TRPS1: variants seen among roughly 807,000 people sequenced by gnomAD.
TRPS1 encodes zinc finger transcription factor Trps1.
TRPS1 carries 6 observed loss-of-function variants against 101.2 expected under a neutral mutation model. The observed-to-expected ratio is 0.06, with a 90% confidence interval of 0.03 to 0.12. The LOEUF (loss-of-function observed/expected upper bound fraction) is 0.12, where lower values mean the gene tolerates loss of function less well. Among genes scored for constraint, TRPS1 ranks in the 10% least tolerant of loss-of-function variants. The pLI is 1.00. For synonymous variants in TRPS1, 578 were observed against 589.8 expected (o/e 0.98, Z 0.29); for missense variants, 1,363 against 1,567.0 (o/e 0.87, Z 2.20).
At chr8:115,607,808 A>G (rs1563640688) in intron 3 of TRPS1, among the ~76,000 whole-genome samples, 1 of 152,108 alleles carries the variant, frequency 6.6e-6, no homozygotes, top group Non-Finnish European at 1.5e-5. Flanking sequence ...TATACTTTCT[A>G]TACTGGTAGA....
At chr8:115,534,112 T>C (rs933958111) in intron 5 of TRPS1, among the ~76,000 whole-genome samples, 3 of 150,434 alleles carry the variant, frequency 2.0e-5, no homozygotes, top group East Asian at 2.0e-4. Flanking sequence ...CTAACCCTGA[T>C]ACCATCACAC....
intron 5 of TRPS1, among the ~76,000 whole-genome samples, chr8:115,458,221 T>C (rs980661597): frequency 2.0e-5 from 3 of 152,112 alleles, no homozygotes; most frequent in African/African-American, 7.2e-5. Context: ...TGTTCTTAGA[T>C]TGTTTATGGT....
rs1812748947 is a variant in TRPS1 at position 115,409,912 on chromosome 8, TTTTTTTC to T, written c.*4104_*4110del. The T allele has an allele frequency of 1.1e-5, 1 of 94,816 alleles. No homozygotes were observed. The highest frequency in any genetic ancestry group is 2.0e-5 in the Non-Finnish European group (1 of 50,658). 5.9% of individuals were successfully genotyped at this position (94,816 alleles called of 1,614,324 possible). Reference sequence around the variant, plus strand: ...CTGGCTCACCAAAGACGACTTGATCTTTTTTTCTTTTTTTTTTTTTGCCATGGCTCTC... The same window carrying T: ...CTGGCTCACCAAAGACGACTTGATCTTTTTTTTTTTTTTGCCATGGCTCTC... On this transcript the variant is annotated 3_prime_UTR_variant, in exon 7 of 7. Transcript: ENST00000395715.
intron 4 of TRPS1, among the ~76,000 whole-genome samples, chr8:115,599,341 A>C (rs964003948): frequency 6.6e-6 from 1 of 151,668 alleles, no homozygotes; most frequent in Non-Finnish European, 1.5e-5. Flanking sequence ...TTTTAATTTT[A>C]CTTTAAGTTT....
intron 5 of TRPS1, among the ~76,000 whole-genome samples, chr8:115,586,457 T>G (rs1563623321): frequency 6.6e-6 from 1 of 152,160 alleles, no homozygotes; most frequent in Non-Finnish European, 1.5e-5. Context: ...TTTTCTCATT[T>G]TTCCCCCTCT....
chr8:115,473,949 G>A (rs866116427), intron 5 of TRPS1, among the ~76,000 whole-genome samples: 2 of 152,102 alleles, frequency 1.3e-5, no homozygotes, highest in Non-Finnish European at 2.9e-5. Context: ...TTCAGTTTTC[G>A]GCACTAGAAT....
intron 5 of TRPS1, among the ~76,000 whole-genome samples, chr8:115,472,650 C>T (rs1432426398): frequency 6.6e-6 from 1 of 152,174 alleles, no homozygotes; most frequent in Non-Finnish European, 1.5e-5. Context: ...AACTTTTATG[C>T]TCTCTTCCCT....
chr8:115,657,887 C>T (rs1811710412), intron 1 of TRPS1, among the ~76,000 whole-genome samples: 1 of 151,942 alleles, frequency 6.6e-6, no homozygotes, highest in African/African-American at 2.4e-5. Context: ...TCTTCTTAGA[C>T]ACTGTCCCCA....
At chr8:115,451,264 T>A (rs1162242762) in intron 5 of TRPS1, among the ~76,000 whole-genome samples, 2 of 152,194 alleles carry the variant, frequency 1.3e-5, no homozygotes, top group Non-Finnish European at 2.9e-5. Context: ...TGTGGCTATA[T>A]ACACACAAAT....
chr8:115,420,104 T>C (rs763237649), intron 5 of TRPS1, among the ~76,000 whole-genome samples: 3 of 152,186 alleles, frequency 2.0e-5, no homozygotes, highest in Non-Finnish European at 4.4e-5. Flanking sequence ...TTAGGTGATG[T>C]AATAAAAACT....
chr8:115,559,636 A>G (rs763196733), intron 5 of TRPS1, among the ~76,000 whole-genome samples: 9 of 152,170 alleles, frequency 5.9e-5, no homozygotes, highest in Non-Finnish European at 1.2e-4. Context: ...GAATGAATCT[A>G]GCTTCATCAC....
intron 5 of TRPS1, among the ~76,000 whole-genome samples, chr8:115,570,153 C>A (rs978988662): frequency 6.6e-6 from 1 of 151,912 alleles, no homozygotes; most frequent in East Asian, 1.9e-4. Flanking sequence ...TCCATTAAAG[C>A]TCAAATCCTT....
chr8:115,528,956 GTACACAATGGT>G (rs1293682513), intron 5 of TRPS1, among the ~76,000 whole-genome samples: 1 of 151,790 alleles, frequency 6.6e-6, no homozygotes, highest in African/African-American at 2.4e-5. Context: ...GACAAACAAG[GTACACAATGGT>G]TACCGTTAAG....
chr8:115,532,173 C>A (rs1816149474), intron 5 of TRPS1, among the ~76,000 whole-genome samples: 1 of 151,728 alleles, frequency 6.6e-6, no homozygotes, highest in Non-Finnish European at 1.5e-5. Context: ...TTCAAAATAT[C>A]TATAATTGGT....
At chr8:115,520,901 T>C (rs976925121) in intron 5 of TRPS1, among the ~76,000 whole-genome samples, 1 of 151,870 alleles carries the variant, frequency 6.6e-6, no homozygotes, top group Non-Finnish European at 1.5e-5. Context: ...GAGTTAAATT[T>C]TTAACATATG....
At position 115,587,608 on chromosome 8, in the gene TRPS1, GAGA is replaced by G. The variant is rs1456408756; in HGVS notation, c.2097-7_2097-5del. On this transcript the variant is annotated splice_polypyrimidine_tract_variant and splice_region_variant and intron_variant, in intron 4 of 6. Coordinates refer to ENST00000395715, the MANE Select transcript of TRPS1 (RefSeq NM_014112.5). ...TTTGTAGCAGCTGTGTGCTCTCCTG[GAGA>G]AGAAGAAAACAGTTACTGCAAAGAC... The G allele has an allele frequency of 3.7e-6, 6 of 1,613,864 alleles. No homozygotes were observed. The highest frequency in any genetic ancestry group is 4.2e-6 in the Non-Finnish European group (5 of 1,180,016).
chr8:115,500,556 T>C (rs1793035329), intron 5 of TRPS1, among the ~76,000 whole-genome samples: 1 of 152,156 alleles, frequency 6.6e-6, no homozygotes, highest in African/African-American at 2.4e-5. Flanking sequence ...TTTTTAAACA[T>C]TGTTGCCAGT....
chr8:115,571,185 T>C (rs1291598767), intron 5 of TRPS1, among the ~76,000 whole-genome samples: 1 of 152,212 alleles, frequency 6.6e-6, no homozygotes, highest in Non-Finnish European at 1.5e-5. Context: ...CTTAAAAGGT[T>C]TGTTTAAAAT....
rs1204300358 is a variant in TRPS1, at chr8:115,604,274, C to T, written c.1695G>A (p.Gln565=). The T allele has an allele frequency of 6.2e-7, 1 of 1,614,094 alleles. No individual in the cohort carries two copies. Among genetic ancestry groups the T allele is most frequent in the South Asian group, 1.1e-5 (1 of 91,086 alleles). The change falls in exon 4 of 7, where the codon CAG becomes CAA. Residue 565 remains glutamine, a synonymous_variant. Transcript: ENST00000395715. This position sits in a 1 kb window ranked among gnomAD's most constrained non-coding sequence, Gnocchi z 4.1. Reference sequence around the variant, plus strand: ...TGGTACACTTGTGAATGTTATGGAGCTGTTGATAATGACGGAGAAGTGGCC... The same window carrying T: ...TGGTACACTTGTGAATGTTATGGAGTTGTTGATAATGACGGAGAAGTGGCC... The part of the protein sequence containing the change: ...VVGPLLRHYQ[Q]LHNIHKCTIK...
Sources: gnomAD v4.1 joint callset for allele counts (sites outside exome capture counted in the v4.1 genomes callset) on GRCh38, gnomAD v4.1.1 for gene constraint, Gnocchi (gnomAD v3.1) non-coding constraint, MANE v1.5 for transcripts, NCBI Gene and HGNC (gene_info 2026-07-23, HGNC 2026-07-21) for gene names.